The following F13A1 variants were observed in gnomAD, a reference collection of about 807,000 sequenced individuals.
F13A1 encodes coagulation factor XIII A chain.
Under a neutral mutation model 80.1 loss-of-function variants are expected in F13A1, and 47 were observed. The observed-to-expected ratio is 0.59, with a 90% CI of 0.46 to 0.75. The LOEUF (loss-of-function observed/expected upper bound fraction) is 0.75. F13A1 is among the 30% of genes least tolerant of loss of function. The probability of loss-of-function intolerance (pLI) is 0.00; values close to 1 mark genes in which losing one functional copy is unlikely to be tolerated. For missense variants in F13A1, 817 were observed against 930.4 expected (o/e 0.88, Z 1.59); for synonymous variants, 349 against 344.9 (o/e 1.01, Z -0.13).
At chr6:6,176,356 T>G (rs1461212302) in intron 11 of F13A1, among the ~76,000 whole-genome samples, 1 of 152,250 alleles carries the variant, frequency 6.6e-6, no homozygotes, top group African/African-American at 2.4e-5. Flanking sequence ...TTGTGTCATT[T>G]AATCCTCATA....
At chr6:6,294,160 G>A (rs1004969419) in intron 3 of F13A1, among the ~76,000 whole-genome samples, 1 of 152,136 alleles carries the variant, frequency 6.6e-6, no homozygotes, top group African/African-American at 2.4e-5. Flanking sequence ...CTGTCAACTT[G>A]ATTGGATGGA....
rs753627369 is a variant in F13A1, at chr6:6,271,213, C to A, written c.320-4404G>T. 2.0e-5 allele frequency among the ~76,000 whole-genome samples: 3 copies of A among 152,268 alleles called. No homozygotes were observed. The East Asian group carries it at 5.8e-4, about 29-fold the overall frequency. On this transcript the variant is annotated intron_variant, in intron 3 of 14. Coordinates refer to ENST00000264870, the MANE Select transcript of F13A1 (RefSeq NM_000129.4). Reference sequence around the variant, plus strand: ...AACCTCAGGGACTGCTCTATTACACCCATGTTTAATTCTGAATGTAATGAT... The same window carrying A: ...AACCTCAGGGACTGCTCTATTACACACATGTTTAATTCTGAATGTAATGAT...
At chr6:6,183,106 T>C (rs1188850571) in intron 10 of F13A1, among the ~76,000 whole-genome samples, 1 of 152,206 alleles carries the variant, frequency 6.6e-6, no homozygotes, top group African/African-American at 2.4e-5. Flanking sequence ...TTACATATTT[T>C]ATAATCACTT....
chr6:6,211,370 A>G (rs552596295), intron 8 of F13A1, among the ~76,000 whole-genome samples: 13 of 152,342 alleles, frequency 8.5e-5, no homozygotes, highest in African/African-American at 3.1e-4. Context: ...CCTAAAACCA[A>G]CTTGGCCAGA....
Position 6,145,463 on chromosome 6 carries a change from T to C in F13A1, c.*156A>G. 2.2e-6 allele frequency: 2 copies of C among 921,580 alleles called. No homozygotes were observed. Among genetic ancestry groups the C allele is most frequent in the Non-Finnish European group, 3.4e-6 (2 of 580,468 alleles). 57.1% of individuals were successfully genotyped at this position (921,580 alleles called of 1,614,324 possible). ...AATAGCCTGGGTTTGGAAAAGCATG[T>C]TTTTGAAATATGTGGGATCTCCACT... On this transcript the variant is annotated 3_prime_UTR_variant, in exon 15 of 15. Transcript: ENST00000264870.
At chr6:6,319,832 G>C (rs918285935) in intron 1 of F13A1, among the ~76,000 whole-genome samples, 1 of 152,302 alleles carries the variant, frequency 6.6e-6, no homozygotes, top group African/African-American at 2.4e-5. Context: ...GTGTGAATGG[G>C]TATCCATAAG....
rs538605561 is a variant in F13A1, at chr6:6,266,605, C to T, written c.524G>A (p.Arg175Gln). The T allele has an allele frequency of 1.3e-5, 21 of 1,614,156 alleles. No individual in the cohort carries two copies. The highest frequency in any genetic ancestry group is 3.3e-5 in the Admixed American group (2 of 60,016). Residue 175 changes from arginine to glutamine, a missense_variant, in exon 4 of 15, where the codon CGA becomes CAA. Coordinates refer to ENST00000264870, the MANE Select transcript of F13A1 (RefSeq NM_000129.4). ...AATGTACGTGTCTGTTTCTGGGTTT[C>T]GACTGGTTCGAAGTACGCCATAGGG... ...WTPYGVLRTS[R>Q]NPETDTYILF...
chr6:6,184,643 C>T (rs1761045255), intron 10 of F13A1, among the ~76,000 whole-genome samples: 1 of 152,176 alleles, frequency 6.6e-6, no homozygotes, highest in African/African-American at 2.4e-5. Context: ...ACTTTCAAAT[C>T]GTAGCAACAA....
At chr6:6,276,863 T>C (rs1009156193) in intron 3 of F13A1, among the ~76,000 whole-genome samples, 1 of 152,226 alleles carries the variant, frequency 6.6e-6, no homozygotes, top group African/African-American at 2.4e-5. Context: ...ACTTATTTTA[T>C]TTTTATTTCT....
At chr6:6,210,196 A>G (rs1469889852) in intron 8 of F13A1, among the ~76,000 whole-genome samples, 1 of 151,400 alleles carries the variant, frequency 6.6e-6, no homozygotes, top group Non-Finnish European at 1.5e-5. Flanking sequence ...TGCCATTGCA[A>G]TCCAGCTTGG....
chr6:6,158,185 A>G (rs928741106), intron 13 of F13A1, among the ~76,000 whole-genome samples: 2 of 151,992 alleles, frequency 1.3e-5, no homozygotes, highest in Non-Finnish European at 2.9e-5. Context: ...GATACCTCTG[A>G]TTTACTCCAC....
At chr6:6,268,102 C>G (rs1321084284) in intron 3 of F13A1, among the ~76,000 whole-genome samples, 1 of 152,266 alleles carries the variant, frequency 6.6e-6, no homozygotes, top group East Asian at 1.9e-4. Context: ...CCAGTCATAA[C>G]CTAATTTAAA....
chr6:6,287,896 G>A (rs573015163), intron 3 of F13A1, among the ~76,000 whole-genome samples: 48 of 152,314 alleles, frequency 3.2e-4, no homozygotes, highest in African/African-American at 1.0e-3. Context: ...GGGTATTTCT[G>A]TTGGGAGGTT....
chr6:6,154,195 G>A (rs73357521), intron 13 of F13A1, among the ~76,000 whole-genome samples: 6,284 of 151,496 alleles, frequency 0.041, 449 homozygotes, highest in African/African-American at 0.14. Context: ...TTTTCAAACC[G>A]GTGGGAGCAA....
At chr6:6,178,047 G>GC (rs747325144) in intron 11 of F13A1, among the ~76,000 whole-genome samples, 8 of 5,518 alleles carry the variant, frequency 1.4e-3, no homozygotes, top group Non-Finnish European at 0.013. Context: ...CAGGGAGAGG[G>GC]GGGGGGGGGT....
intron 3 of F13A1, 25 bp from the exon 4 acceptor site, chr6:6,266,834 CT>C: frequency 6.2e-7 from 1 of 1,614,016 alleles, no homozygotes; most frequent in Non-Finnish European, 8.5e-7. Flanking sequence ...AAGAAATACT[CT>C]GTTAGGTTGA....
At chr6:6,207,268 C>T (rs1384690028) in intron 8 of F13A1, among the ~76,000 whole-genome samples, 1 of 152,180 alleles carries the variant, frequency 6.6e-6, no homozygotes, top group Non-Finnish European at 1.5e-5. Context: ...TCCGAAAGCT[C>T]TTTCTCTCCA....
intron 10 of F13A1, among the ~76,000 whole-genome samples, chr6:6,192,926 C>T (rs1299194214): frequency 6.6e-6 from 1 of 152,176 alleles, no homozygotes; most frequent in African/African-American, 2.4e-5. Flanking sequence ...GAGTTCTTCA[C>T]TAAGAACCCC....
chr6:6,174,055 T>C (rs1645560282), intron 12 of F13A1, among the ~76,000 whole-genome samples: 1 of 152,140 alleles, frequency 6.6e-6, no homozygotes, highest in South Asian at 2.1e-4. Context: ...GCTTTGAAAT[T>C]TTCAATGTTC....
Sources: gnomAD v4.1 joint callset for allele counts (sites outside exome capture counted in the v4.1 genomes callset) on GRCh38, gnomAD v4.1.1 for gene constraint, MANE v1.5 for transcripts, NCBI Gene and HGNC (gene_info 2026-07-23, HGNC 2026-07-21) for gene names.